KATNBL1: variants seen among roughly 807,000 people sequenced by gnomAD.
KATNBL1 encodes KATNB1-like protein 1.
A neutral mutation model predicts 44.7 loss-of-function variants in KATNBL1; 28 were observed. The ratio of observed to expected loss-of-function variants is 0.63; its 90% CI spans 0.46 to 0.86. The LOEUF is 0.86. Among genes scored for constraint, KATNBL1 ranks in the 40% least tolerant of loss-of-function variants. The probability of loss-of-function intolerance (pLI) is 0.00; values close to 1 mark genes in which losing one functional copy is unlikely to be tolerated. For missense variants in KATNBL1, 272 were observed against 350.7 expected (o/e 0.78, Z 1.79); for synonymous variants, 78 against 114.9 (o/e 0.68, Z 2.06).
chr15:34,155,904 T>C (rs1183539035), intron 2 of KATNBL1, among the ~76,000 whole-genome samples: 1 of 152,226 alleles, frequency 6.6e-6, no homozygotes, highest in African/African-American at 2.4e-5. Flanking sequence ...GTACTCCTCG[T>C]GGGACTCTAA....
At chr15:34,144,091 G>C (rs57544916) in intron 9 of KATNBL1, among the ~76,000 whole-genome samples, 2 of 147,440 alleles carry the variant, frequency 1.4e-5, no homozygotes, top group Non-Finnish European at 3.0e-5. Context: ...TTTTTTGGGA[G>C]AGGGGCCATG....
chr15:34,191,452 G>T (rs899036283), intron 1 of KATNBL1, among the ~76,000 whole-genome samples: 5 of 152,000 alleles, frequency 3.3e-5, no homozygotes, highest in African/African-American at 1.2e-4. Flanking sequence ...ATACCCAGAA[G>T]TGAAATGGCT....
chr15:34,189,944 AT>A (rs777963576), intron 1 of KATNBL1, among the ~76,000 whole-genome samples: 3 of 112,600 alleles, frequency 2.7e-5, no homozygotes, highest in Non-Finnish European at 5.9e-5. Context: ...TAAGAAGTAC[AT>A]TCTTTTTTTT....
intron 1 of KATNBL1, chr15:34,199,774 C>T (rs1890125286): frequency 1.3e-5 from 2 of 152,324 alleles, no homozygotes; most frequent in African/African-American, 4.8e-5. Context: ...AGTGTTCCAG[C>T]TCTTAAAGGT....
chr15:34,165,980 T>C (rs1157481200), intron 1 of KATNBL1: 3 of 152,216 alleles, frequency 2.0e-5, no homozygotes, highest in Non-Finnish European at 1.5e-5. Context: ...ATGGCCATTA[T>C]AATAGGAACA....
chr15:34,171,853 A>G (rs183299335), intron 1 of KATNBL1, among the ~76,000 whole-genome samples: 1 of 150,112 alleles, frequency 6.7e-6, no homozygotes, highest in Admixed American at 6.7e-5. Context: ...ACCAAACACC[A>G]TATGTTCTCA....
intron 1 of KATNBL1, among the ~76,000 whole-genome samples, chr15:34,204,405 A>G (rs1006395813): frequency 6.6e-6 from 1 of 152,232 alleles, no homozygotes; most frequent in African/African-American, 2.4e-5. Flanking sequence ...GTCCCTCAGT[A>G]TCTGAGTACG....
intron 3 of KATNBL1, among the ~76,000 whole-genome samples, chr15:34,153,699 T>C (rs530194332): frequency 2.0e-4 from 31 of 152,162 alleles, no homozygotes; most frequent in African/African-American, 7.0e-4. Flanking sequence ...GCCTCCTGAG[T>C]AGCTGGGACT....
intron 1 of KATNBL1, among the ~76,000 whole-genome samples, chr15:34,166,904 A>C (rs1369025214): frequency 6.6e-6 from 1 of 152,218 alleles, no homozygotes; most frequent in Non-Finnish European, 1.5e-5. Flanking sequence ...CATCAACATC[A>C]ACAAAAAGGA....
At chr15:34,154,380 AC>A (rs1444392402) in intron 3 of KATNBL1, among the ~76,000 whole-genome samples, 1 of 152,200 alleles carries the variant, frequency 6.6e-6, no homozygotes, top group Non-Finnish European at 1.5e-5. Context: ...ATGATTCTGA[AC>A]AAATCATTTA....
rs55954205 is a variant in KATNBL1, at chr15:34,181,841, C to T, written c.-14-18151G>A. Among the ~76,000 whole-genome samples, 134 of 38,152 alleles carry T rather than the reference C, an allele frequency of 3.5e-3. 9 individuals carry two copies. Among genetic ancestry groups the T allele is most frequent in the African/African-American group, 6.2e-3 (66 of 10,718 alleles). 25.0% of individuals were successfully genotyped at this position (38,152 alleles called of 152,430 possible). Reference sequence around the variant, plus strand: ...ATGTCCATATATATCCATATATATACACATATATATAGTCCATATATATAT... The same window carrying T: ...ATGTCCATATATATCCATATATATATACATATATATAGTCCATATATATAT... On this transcript the variant is annotated intron_variant, in intron 1 of 9. Transcript: ENST00000256544.
intron 2 of KATNBL1, among the ~76,000 whole-genome samples, chr15:34,156,503 G>T (rs546112248): frequency 7.2e-5 from 11 of 152,274 alleles, no homozygotes; most frequent in African/African-American, 2.6e-4. Context: ...ATTCTAACCA[G>T]GCATTGGCAT....
rs1297703524 is a variant in KATNBL1 at position 34,170,380 on chromosome 15, G to A, written c.-14-6690C>T. ...AAATACCTAGGAATCCAACTTACAA[G>A]GGATGTGAAGGACCTCTTCAAGGAG... is the stretch of plus-strand genomic sequence containing the variant. On this transcript the variant is annotated intron_variant, in intron 1 of 9. Transcript: ENST00000256544. Among the ~76,000 whole-genome samples the A allele has an allele frequency of 3.9e-5, 6 of 152,104 alleles. 1 individual carries two copies. Among genetic ancestry groups the A allele is most frequent in the Admixed American group, 3.3e-4 (5 of 15,282 alleles).
At chr15:34,189,702 T>G (rs1363106581) in intron 1 of KATNBL1, among the ~76,000 whole-genome samples, 1 of 152,242 alleles carries the variant, frequency 6.6e-6, no homozygotes, top group East Asian at 1.9e-4. Context: ...TAACTAAATC[T>G]GTCTCTTCCC....
chr15:34,182,452 T>C (rs768640429), intron 1 of KATNBL1, among the ~76,000 whole-genome samples: 2 of 152,206 alleles, frequency 1.3e-5, no homozygotes, highest in Non-Finnish European at 2.9e-5. Flanking sequence ...CATCTCAGTA[T>C]GCCCTCATTT....
chr15:34,179,576 C>T (rs974676125), intron 1 of KATNBL1, among the ~76,000 whole-genome samples: 2 of 152,084 alleles, frequency 1.3e-5, no homozygotes, highest in Non-Finnish European at 2.9e-5. Flanking sequence ...TCAAGAGATT[C>T]TCCCACTTCA....
chr15:34,195,959 T>C (rs1470946351), intron 1 of KATNBL1, among the ~76,000 whole-genome samples: 2 of 152,194 alleles, frequency 1.3e-5, no homozygotes, highest in East Asian at 1.9e-4. Context: ...GAGAAATCAA[T>C]GTGTGTCTGA....
chr15:34,193,229 A>AC (rs1555530405), intron 1 of KATNBL1, among the ~76,000 whole-genome samples: 41 of 127,912 alleles, frequency 3.2e-4, no homozygotes, highest in Non-Finnish European at 4.4e-4. Flanking sequence ...AAAAAAAAAA[A>AC]AAAAAACAAA....
At position 34,165,952 on chromosome 15, in the gene KATNBL1, T is replaced by C. The variant is rs540290457; in HGVS notation, c.-14-2262A>G. 10 of 152,206 alleles carry C rather than the reference T, an allele frequency of 6.6e-5. No individual in the cohort carries two copies. In the South Asian group the frequency reaches 1.7e-3, roughly 25 times the overall value. 9.4% of individuals were successfully genotyped at this position (152,206 alleles called of 1,614,324 possible). On this transcript the variant is annotated intron_variant, in intron 1 of 9. Coordinates refer to ENST00000256544, the MANE Select transcript of KATNBL1 (RefSeq NM_024713.3). ...TACCAAGGACATCAAGAAGTAGAGA[T>C]GGCAAGTCCATTCCAAGATGGCCAT...
Sources: allele counts gnomAD v4.1 joint callset (sites outside exome capture counted in the v4.1 genomes callset), GRCh38; gene constraint gnomAD v4.1.1; transcripts MANE v1.5; gene names NCBI Gene and HGNC (gene_info 2026-07-23, HGNC 2026-07-21).